Variants in COL6A2 observed in about 807,000 individuals in gnomAD.
COL6A2 encodes the protein collagen type VI alpha 2 chain, also known as collagen alpha-2(VI) chain.
COL6A2 carries 90 observed loss-of-function variants against 124.9 expected under a neutral mutation model. The observed-to-expected ratio is 0.72, with a 90% CI of 0.61 to 0.86. The LOEUF is 0.86. Among genes scored for constraint, COL6A2 ranks in the 40% least tolerant of loss-of-function variants. The probability of loss-of-function intolerance (pLI) is 0.00; values close to 1 mark genes in which losing one functional copy is unlikely to be tolerated. For missense variants in COL6A2, 1,607 were observed against 1,502.5 expected (o/e 1.07, Z -1.15); for synonymous variants, 793 against 618.2 (o/e 1.28, Z -4.19).
rs546206539 is a variant in COL6A2 at position 46,121,548 on chromosome 21, G to T, written c.1459-8G>T. On this transcript the variant is annotated splice_polypyrimidine_tract_variant and splice_region_variant and intron_variant, in intron 17 of 27. Coordinates refer to ENST00000300527, the MANE Select transcript of COL6A2 (RefSeq NM_001849.4). ...GTGCTGACTTCTGAATTTCTCTCCT[G>T]CCCTCAGGGATCTCGGGGAGACCCC... The T allele has an allele frequency of 1.2e-6, 2 of 1,612,784 alleles. No homozygotes were observed. Among genetic ancestry groups the T allele is most frequent in the South Asian group, 1.1e-5 (1 of 91,082 alleles).
intron 15 of COL6A2, 88 bp from the exon 16 acceptor site, chr21:46,120,427 C>G: frequency 8.9e-7 from 1 of 1,118,892 alleles, no homozygotes; most frequent in Non-Finnish European, 1.3e-6. Context: ...GCCCCCTTCC[C>G]CAACCCCCGG....
chr21:46,098,463 G>GA (rs2078250154), intron 1 of COL6A2, among the ~76,000 whole-genome samples: 3 of 151,728 alleles, frequency 2.0e-5, no homozygotes, highest in Admixed American at 6.5e-5. Context: ...GGGTGGGGGG[G>GA]TCCCTGTCTG....
intron 14 of COL6A2, 69 bp from the exon 15 acceptor site, chr21:46,119,719 C>A: frequency 1.4e-6 from 2 of 1,420,566 alleles, no homozygotes; most frequent in Non-Finnish European, 1.9e-6. Context: ...CCCGGCACAG[C>A]CCCCACCCTC....
At position 46,112,028 on chromosome 21, in the gene COL6A2, G is replaced by A. The variant is rs539657611; in HGVS notation, c.165G>A (p.Glu55=). The A allele has an allele frequency of 1.2e-6, 2 of 1,612,952 alleles. No homozygotes were observed. The highest frequency in any genetic ancestry group is 1.7e-5 in the Admixed American group (1 of 60,026). ...IHVYFVLDTS[E]SVTMQSPTDI... Reference sequence around the variant, plus strand: ...TGTACTTCGTGCTGGACACCTCGGAGAGCGTCACCATGCAGTCCCCCACGG... The same window carrying A: ...TGTACTTCGTGCTGGACACCTCGGAAAGCGTCACCATGCAGTCCCCCACGG... Residue 55 remains glutamate (E), a synonymous_variant, in exon 3 of 28, where the codon GAG becomes GAA. Coordinates refer to ENST00000300527, the MANE Select transcript of COL6A2 (RefSeq NM_001849.4).
intron 27 of COL6A2, chr21:46,129,754 T>TA: frequency 7.4e-7 from 1 of 1,343,500 alleles, no homozygotes; most frequent in Non-Finnish European, 9.5e-7. Context: ...TCATTGAATT[T>TA]AAGGCCCACC....
At chr21:46,098,693 T>A (rs7277514) in intron 1 of COL6A2, 133,117 of 151,302 alleles carry the variant, frequency 0.88, 59,418 homozygotes, top group Non-Finnish European at 0.96. Context: ...AGGGCGGGAC[T>A]GGGCGGGGAG....
intron 27 of COL6A2, among the ~76,000 whole-genome samples, chr21:46,130,064 C>T (rs975058816): frequency 6.6e-6 from 1 of 152,180 alleles, no homozygotes; most frequent in African/African-American, 2.4e-5. Context: ...CGTGGGCGCT[C>T]ACGGCCCACC....
rs2078771183 is a variant in COL6A2 at position 46,132,269 on chromosome 21, A to G, written c.2777A>G (p.Asn926Ser). 3 of 1,606,784 alleles carry G rather than the reference A, an allele frequency of 1.9e-6. No homozygotes were observed. The highest frequency in any genetic ancestry group is 2.2e-5 in the East Asian group (1 of 44,776). The change falls in exon 28 of 28, where the codon AAT becomes AGT. Residue 926 changes from asparagine (N) to serine (S), a missense_variant. Coordinates refer to ENST00000300527, the MANE Select transcript of COL6A2 (RefSeq NM_001849.4). Reference protein sequence around the residue: ...HVGAGVVHAINAIVRSPRGGA... With the variant: ...HVGAGVVHAISAIVRSPRGGA... ...GGCGCAGGCGTGGTGCACGCCATCA[A>G]TGCCATCGTGCGCAGCCCGCGTGGC...
At chr21:46,127,303 C>T (rs544478381) in intron 27 of COL6A2, among the ~76,000 whole-genome samples, 60 of 152,234 alleles carry the variant, frequency 3.9e-4, no homozygotes, top group African/African-American at 8.7e-4. Flanking sequence ...ACGAAGTCAG[C>T]GCTTCCTCAG....
At chr21:46,118,013 G>A (rs976172497) in intron 12 of COL6A2, 77 bp downstream of exon 12, 18 of 1,421,632 alleles carry the variant, frequency 1.3e-5, no homozygotes, top group Admixed American at 3.9e-5. Flanking sequence ...CCCCAGCTGA[G>A]AAGCTGAGCA....
intron 1 of COL6A2, among the ~76,000 whole-genome samples, chr21:46,109,247 G>T (rs985994453): frequency 1.3e-5 from 2 of 151,908 alleles, no homozygotes; most frequent in Non-Finnish European, 2.9e-5. Context: ...ATCCCTTCAG[G>T]TCCTGAAGCT....
At chr21:46,103,783 A>G (rs951208590) in intron 1 of COL6A2, among the ~76,000 whole-genome samples, 3 of 151,966 alleles carry the variant, frequency 2.0e-5, no homozygotes, top group African/African-American at 4.8e-5. Flanking sequence ...TTCAAAATCT[A>G]TTGACACAGA....
chr21:46,129,953 G>A (rs1252481423), intron 27 of COL6A2: 2 of 639,476 alleles, frequency 3.1e-6, no homozygotes, highest in African/African-American at 2.0e-5. Context: ...CCCAGGTGCT[G>A]GAGGATGTTC....
chr21:46,115,689 A>G (rs545814606), intron 5 of COL6A2, among the ~76,000 whole-genome samples, 183 bp from the exon 6 acceptor site: 1 of 152,290 alleles, frequency 6.6e-6, no homozygotes, highest in South Asian at 2.1e-4. Context: ...GAAATGGGTC[A>G]AAGCAAACCC....
Position 46,116,955 on chromosome 21 carries a change from A to ACG in COL6A2, c.999+142_999+143dup. ...CACACACACACACACACACACACAC[A>ACG]CGAACTTCAGCTCCTGCCACATCCC... On this transcript the variant is annotated intron_variant, in intron 10 of 27. Coordinates refer to ENST00000300527, the MANE Select transcript of COL6A2 (RefSeq NM_001849.4). The surrounding 1 kb of genome is among the most constrained non-coding windows in gnomAD (Gnocchi z 4.6). The ACG allele has an allele frequency of 1.2e-6, 1 of 814,884 alleles. No individual in the cohort carries two copies. The highest frequency in any genetic ancestry group is 2.0e-6 in the Non-Finnish European group (1 of 508,970). 50.5% of individuals were successfully genotyped at this position (814,884 alleles called of 1,614,324 possible).
intron 21 of COL6A2, 128 bp downstream of exon 21, chr21:46,123,065 C>A: frequency 4.4e-6 from 4 of 915,904 alleles, no homozygotes; most frequent in Non-Finnish European, 5.3e-6. Context: ...AGCACCACCC[C>A]CACCTTCCTA....
intron 14 of COL6A2, 63 bp from the exon 15 acceptor site, chr21:46,119,725 C>T (rs2078530202): frequency 2.8e-6 from 4 of 1,454,350 alleles, no homozygotes; most frequent in Non-Finnish European, 3.8e-6. Context: ...ACAGCCCCCA[C>T]CCTCCACAGG....
At chr21:46,120,302 G>C (rs970320026) in intron 15 of COL6A2, among the ~76,000 whole-genome samples, 1 of 152,166 alleles carries the variant, frequency 6.6e-6, no homozygotes. Context: ...GGTGGCCTCA[G>C]GGGGACCGAG....
Position 46,132,163 on chromosome 21 carries a change from G to C in COL6A2, c.2671G>C (p.Ala891Pro). ...TGGTGGCCCCGGCGAGCAGCAGGTG[G>C]CCTTCCCGCTGAGCCACAACCTCAC... is the stretch of plus-strand genomic sequence containing the variant. ...QFGGPGEQQV[A>P]FPLSHNLTAI... The change falls in exon 28 of 28, where the codon GCC becomes CCC. Residue 891 changes from alanine (A) to proline (P), a missense_variant. This residue lies in a region of COL6A2 where 1,223 missense variants were observed against 1,052.2 expected (regional missense o/e 1.16). Transcript: ENST00000300527. 1 of 1,569,610 alleles carries C rather than the reference G, an allele frequency of 6.4e-7. No homozygotes were observed. The highest frequency in any genetic ancestry group is 1.7e-4 in the Middle Eastern group (1 of 6,018).
Sources: gnomAD v4.1 joint callset for allele counts (sites outside exome capture counted in the v4.1 genomes callset) on GRCh38, gnomAD v4.1.1 for gene constraint, gnomAD v4.1.1 regional missense constraint, Gnocchi (gnomAD v3.1) non-coding constraint, MANE v1.5 for transcripts, NCBI Gene and HGNC (gene_info 2026-07-23, HGNC 2026-07-21) for gene names.